The following IGF1R variants were observed in gnomAD, a reference collection of about 807,000 sequenced individuals.
IGF1R encodes the protein insulin like growth factor 1 receptor.
Under a neutral mutation model 144.6 loss-of-function variants are expected in IGF1R, and 44 were observed. The ratio of observed to expected loss-of-function variants is 0.30; its 90% CI spans 0.24 to 0.39. The LOEUF (loss-of-function observed/expected upper bound fraction) is 0.39, where lower values mean the gene tolerates loss of function less well. Among genes scored for constraint, IGF1R ranks in the 10% least tolerant of loss-of-function variants. The pLI, the probability that IGF1R is intolerant of heterozygous loss-of-function variation, is 1.00. For synonymous variants in IGF1R, 795 were observed against 722.8 expected (o/e 1.10, Z -1.60); for missense variants, 1,355 against 1,833.7 (o/e 0.74, Z 4.77).
At chr15:98,777,630 A>G (rs1031262390) in intron 2 of IGF1R, among the ~76,000 whole-genome samples, 1 of 152,228 alleles carries the variant, frequency 6.6e-6, no homozygotes, top group Non-Finnish European at 1.5e-5. Context: ...GGGGCTGTCC[A>G]AAGTCAGAGC....
chr15:98,811,558 G>A (rs531193691), intron 2 of IGF1R, among the ~76,000 whole-genome samples: 53 of 150,306 alleles, frequency 3.5e-4, no homozygotes, highest in African/African-American at 1.2e-3. Context: ...ATTTCTCTAT[G>A]TAAACAAAGA....
chr15:98,928,880 G>T (rs769909338), intron 13 of IGF1R, among the ~76,000 whole-genome samples: 1 of 152,098 alleles, frequency 6.6e-6, no homozygotes, highest in Non-Finnish European at 1.5e-5. Context: ...GTCTGCAGCG[G>T]CATTGGAAAG....
chr15:98,855,781 G>C (rs1373858539), intron 2 of IGF1R, among the ~76,000 whole-genome samples: 1 of 152,226 alleles, frequency 6.6e-6, no homozygotes. Flanking sequence ...AAAGGCAGTT[G>C]TCTGACCAGT....
intron 1 of IGF1R, among the ~76,000 whole-genome samples, chr15:98,681,436 T>G (rs980595904): frequency 6.6e-6 from 1 of 152,192 alleles, no homozygotes; most frequent in African/African-American, 2.4e-5. Context: ...GGTAGCCTTA[T>G]GGAGGAGAAA....
At chr15:98,949,171 G>A (rs763353645) in intron 20 of IGF1R, among the ~76,000 whole-genome samples, 1 of 152,158 alleles carries the variant, frequency 6.6e-6, no homozygotes, top group Non-Finnish European at 1.5e-5. Flanking sequence ...CCAGGACTCC[G>A]GCATGCACCA....
At position 98,939,287 on chromosome 15, in the gene IGF1R, C is replaced by T; in HGVS notation, c.3384C>T (p.Ala1128=). 6.2e-7 allele frequency: 1 copy of T among 1,614,048 alleles called. No individual in the cohort carries two copies. The highest frequency in any genetic ancestry group is 8.5e-7 in the Non-Finnish European group (1 of 1,179,958). ...CAGACGGCATGGCATACCTCAACGC[C>T]AATAAGTTCGTCCACAGAGACCTTG... is the stretch of plus-strand genomic sequence containing the variant. The part of the protein sequence containing the change: ...EIADGMAYLN[A]NKFVHRDLAA... The change falls in exon 18 of 21, where the codon GCC becomes GCT. Residue 1128 remains alanine, a synonymous_variant. Transcript: ENST00000650285.
intron 1 of IGF1R, among the ~76,000 whole-genome samples, chr15:98,673,103 T>C (rs1359300351): frequency 6.6e-6 from 1 of 152,200 alleles, no homozygotes; most frequent in African/African-American, 2.4e-5. Flanking sequence ...CAAGTGATCC[T>C]CTTGCCTCAA....
intron 2 of IGF1R, among the ~76,000 whole-genome samples, chr15:98,721,592 CAA>C (rs1359266763): frequency 1.3e-5 from 2 of 152,238 alleles, no homozygotes; most frequent in East Asian, 3.9e-4. Context: ...GGACCAGAGA[CAA>C]AAGAGGTCTT....
chr15:98,759,662 T>C (rs2055243962), intron 2 of IGF1R, among the ~76,000 whole-genome samples: 1 of 152,208 alleles, frequency 6.6e-6, no homozygotes, highest in Admixed American at 6.5e-5. Context: ...TAAAATTTAT[T>C]TTCAAGTTTT....
At chr15:98,931,793 G>C (rs1443147304) in intron 15 of IGF1R, among the ~76,000 whole-genome samples, 1 of 152,180 alleles carries the variant, frequency 6.6e-6, no homozygotes, top group African/African-American at 2.4e-5. Flanking sequence ...GAGCCCAAGA[G>C]CTGCAGTGAG....
chr15:98,857,381 G>A (rs961367407), intron 2 of IGF1R, among the ~76,000 whole-genome samples: 1 of 152,148 alleles, frequency 6.6e-6, no homozygotes, highest in Non-Finnish European at 1.5e-5. Context: ...ACCACACCCG[G>A]CTAATTTTTG....
intron 2 of IGF1R, among the ~76,000 whole-genome samples, chr15:98,796,183 G>A (rs1184885716): frequency 6.6e-6 from 1 of 152,082 alleles, no homozygotes; most frequent in African/African-American, 2.4e-5. Context: ...GCACTGTGCT[G>A]GGGGAATCCC....
intron 2 of IGF1R, among the ~76,000 whole-genome samples, chr15:98,869,434 C>CT (rs60569365): frequency 0.23 from 30,399 of 134,756 alleles, 3,864 homozygotes; most frequent in East Asian, 0.4. Flanking sequence ...CCTTGAGATT[C>CT]TTTTTTTTTT....
Position 98,963,903 on chromosome 15 carries a change from ATCTC to A in IGF1R, c.*6463_*6466del, listed in dbSNP as rs1396758797. On this transcript the variant is annotated 3_prime_UTR_variant, in exon 21 of 21. Transcript: ENST00000650285. Reference sequence around the variant, plus strand: ...GGCCATGTCTCCCCAACTCCACAATATCTCTATCATGGGAAACACCTGGGGTTTT... The same window carrying A: ...GGCCATGTCTCCCCAACTCCACAATATATCATGGGAAACACCTGGGGTTTT... 2.4e-4 allele frequency: 57 copies of A among 233,114 alleles called. No individual in the cohort carries two copies. Among genetic ancestry groups the A allele is most frequent in the African/African-American group, 1.1e-3 (51 of 45,334 alleles). 14.4% of individuals were successfully genotyped at this position (233,114 alleles called of 1,614,324 possible). A position where few individuals can be genotyped will look rare whatever the true frequency, so the allele number is the denominator to read the frequency against.
intron 2 of IGF1R, among the ~76,000 whole-genome samples, chr15:98,744,781 G>T (rs752000557): frequency 6.6e-6 from 1 of 151,516 alleles, no homozygotes; most frequent in Non-Finnish European, 1.5e-5. Flanking sequence ...TTTTCTTTTG[G>T]CGTTTGTGAT....
intron 2 of IGF1R, among the ~76,000 whole-genome samples, chr15:98,852,625 G>A (rs574978765): frequency 3.4e-4 from 52 of 152,304 alleles, no homozygotes; most frequent in African/African-American, 1.2e-3. Context: ...GCGGGTGGAG[G>A]GTGGAGGAGC....
rs374613461 is a variant in IGF1R, at chr15:98,668,813, G to A, written c.94+19138G>A. ...AGCTCCTCGTGACCCTCCAGGGTCT[G>A]TTTTGTAAAGCTGACACCAGCATCA... On this transcript the variant is annotated intron_variant, in intron 1 of 20. Coordinates refer to ENST00000650285, the MANE Select transcript of IGF1R (RefSeq NM_000875.5). Among the ~76,000 whole-genome samples the A allele has an allele frequency of 1.6e-3, 30 of 18,526 alleles. No homozygotes were observed. The Admixed American group carries it at 0.026, about 16-fold the overall frequency. The allele number at this position is 18,526 out of a possible 152,430, so 12.2% of individuals were successfully genotyped here.
chr15:98,788,470 CA>C (rs2056057379), intron 2 of IGF1R, among the ~76,000 whole-genome samples: 2 of 152,200 alleles, frequency 1.3e-5, no homozygotes, highest in African/African-American at 4.8e-5. Context: ...GTCACTTACC[CA>C]AGGTGCAGCA....
chr15:98,707,060 T>C lies in IGF1R; in HGVS notation c.95-502T>C, dbSNP rs1349804071. ...AGCATGCGTTTTTTAGTCCCCACTT[T>C]ACAAGTCACAGTGACGGTTCTCCAG... is the stretch of plus-strand genomic sequence containing the variant. On this transcript the variant is annotated intron_variant, in intron 1 of 20. Coordinates refer to ENST00000650285, the MANE Select transcript of IGF1R (RefSeq NM_000875.5). The surrounding 1 kb of genome is among the most constrained non-coding windows in gnomAD (Gnocchi z 6.7). Among the ~76,000 whole-genome samples the C allele has an allele frequency of 6.6e-6, 1 of 152,208 alleles. No homozygotes were observed. Among genetic ancestry groups the C allele is most frequent in the Non-Finnish European group, 1.5e-5 (1 of 68,030 alleles).
Sources: allele counts gnomAD v4.1 joint callset (sites outside exome capture counted in the v4.1 genomes callset), GRCh38; gene constraint gnomAD v4.1.1; non-coding constraint Gnocchi (gnomAD v3.1); transcripts MANE v1.5; gene names NCBI Gene and HGNC (gene_info 2026-07-23, HGNC 2026-07-21).